TNS3: variants seen among roughly 807,000 people sequenced by gnomAD.
TNS3 encodes the protein tensin 3.
Under a neutral mutation model 140.9 loss-of-function variants are expected in TNS3, and 45 were observed. That is an observed-to-expected ratio of 0.32 (90% CI 0.25 to 0.41). TNS3 has a LOEUF of 0.41. TNS3 is among the 10% of genes least tolerant of loss of function. TNS3 has a pLI of 1.00. For missense variants in TNS3, 1,716 were observed against 1,906.7 expected, an observed-to-expected ratio of 0.90 and a Z score of 1.86; for synonymous variants, 815 against 788.4, an observed-to-expected ratio of 1.03 and a Z score of -0.56.
intron 28 of TNS3, among the ~76,000 whole-genome samples, chr7:47,282,268 A>G (rs1785186137): frequency 1.3e-5 from 2 of 148,352 alleles, no homozygotes; most frequent in South Asian, 4.3e-4. Flanking sequence ...ACCCTGGGTG[A>G]GCCATGCAGC....
chr7:47,419,333 AG>A (rs1364286670), intron 10 of TNS3, among the ~76,000 whole-genome samples: 1 of 152,132 alleles, frequency 6.6e-6, no homozygotes, highest in Non-Finnish European at 1.5e-5. Flanking sequence ...GTGGGCAGCA[AG>A]GAGGATGTGC....
At chr7:47,440,722 G>A (rs1372398620) in intron 5 of TNS3, among the ~76,000 whole-genome samples, 1 of 152,208 alleles carries the variant, frequency 6.6e-6, no homozygotes, top group Admixed American at 6.5e-5. Context: ...AGGTTCCAGG[G>A]AGAGGGGATG....
At position 47,480,946 on chromosome 7, in the gene TNS3, A is replaced by T. The variant is rs371983330; in HGVS notation, c.-76+157T>A. 1.7e-3 allele frequency among the ~76,000 whole-genome samples: 256 copies of T among 152,240 alleles called. 2 individuals carry two copies. The highest frequency in any genetic ancestry group is 6.0e-3 in the African/African-American group (248 of 41,520). On this transcript the variant is annotated intron_variant, in intron 4 of 30. Transcript: ENST00000311160. ...ATGGCCAGTGCAGCATGGTCAAAGG[A>T]CCTCAGATAGAGCCTTGTGAATGCA... is the stretch of plus-strand genomic sequence containing the variant.
intron 16 of TNS3, among the ~76,000 whole-genome samples, chr7:47,386,890 TC>T (rs1562670811): frequency 6.6e-6 from 1 of 152,222 alleles, no homozygotes; most frequent in Non-Finnish European, 1.5e-5. Flanking sequence ...ATCCCTGCAA[TC>T]TGTGCTATGT....
intron 20 of TNS3, among the ~76,000 whole-genome samples, chr7:47,309,797 G>C (rs889618189): frequency 6.6e-6 from 1 of 152,236 alleles, no homozygotes; most frequent in Non-Finnish European, 1.5e-5. Flanking sequence ...AGCTGCATCA[G>C]CTCAAAGCCA....
At chr7:47,335,237 G>A (rs572471541) in intron 20 of TNS3, among the ~76,000 whole-genome samples, 8 of 152,260 alleles carry the variant, frequency 5.3e-5, no homozygotes, top group African/African-American at 1.2e-4. Context: ...GGACGATGGC[G>A]AGGGCTGCCA....
At chr7:47,547,665 A>G (rs1164386077) in intron 1 of TNS3, among the ~76,000 whole-genome samples, 1 of 152,116 alleles carries the variant, frequency 6.6e-6, no homozygotes, top group African/African-American at 2.4e-5. Context: ...ACAGACTTCC[A>G]GGAGCCCTCA....
At chr7:47,476,428 C>T (rs1340788720) in intron 4 of TNS3, among the ~76,000 whole-genome samples, 1 of 152,204 alleles carries the variant, frequency 6.6e-6, no homozygotes, top group Admixed American at 6.5e-5. Flanking sequence ...GCCCGGCCAC[C>T]TCTCCCAGCC....
chr7:47,571,353 G>A (rs1465128370), intron 1 of TNS3, among the ~76,000 whole-genome samples: 5 of 152,184 alleles, frequency 3.3e-5, no homozygotes, highest in East Asian at 1.9e-4. Context: ...GACGAGAAGG[G>A]GTGCCACCTG....
intron 1 of TNS3, among the ~76,000 whole-genome samples, 178 bp downstream of exon 1, chr7:47,581,873 C>CCCGCGCTCCCCGAACTCTGTCT (rs1406569469): frequency 6.6e-6 from 1 of 151,232 alleles, no homozygotes; most frequent in Non-Finnish European, 1.5e-5. Context: ...GCTCCCGTAC[C>CCCGCGCTCCCCGAACTCTGTCT]CCGCGCTCCC....
intron 17 of TNS3, among the ~76,000 whole-genome samples, chr7:47,359,435 T>C (rs533432637): frequency 2.0e-5 from 3 of 152,116 alleles, no homozygotes; most frequent in Admixed American, 6.5e-5. Context: ...AGGTTTCCCT[T>C]TGGGATGACG....
chr7:47,392,184 G>A (rs961376177), intron 16 of TNS3, among the ~76,000 whole-genome samples: 8 of 135,608 alleles, frequency 5.9e-5, no homozygotes, highest in South Asian at 2.2e-4. Flanking sequence ...CACGACTGCC[G>A]TCCCCCGCAG....
At chr7:47,536,372 A>T (rs334511) in intron 1 of TNS3, among the ~76,000 whole-genome samples, 41,066 of 146,158 alleles carry the variant, frequency 0.28, 6,631 homozygotes, top group East Asian at 0.41. Context: ...CCTAGCGGGG[A>T]GCCAACCAGC....
chr7:47,302,040 G>A (rs1308298466), intron 23 of TNS3, 146 bp downstream of exon 23: 3 of 641,974 alleles, frequency 4.7e-6, no homozygotes, highest in Admixed American at 2.8e-5. Context: ...CAGGAGGCAT[G>A]GAATAACGTG....
intron 1 of TNS3, among the ~76,000 whole-genome samples, chr7:47,538,259 A>C (rs2151959931): frequency 6.6e-6 from 1 of 152,224 alleles, no homozygotes; most frequent in South Asian, 2.1e-4. Flanking sequence ...GCTGTCTGCA[A>C]GAAGCTTTGT....
rs554075404 is a variant in TNS3, at chr7:47,522,567, T to C, written c.-153+6469A>G. Reference sequence around the variant, plus strand: ...AGCACACACATTAACTTAACATAACTGAAAAAGCTAATGAAAACAATCATG... The same window carrying C: ...AGCACACACATTAACTTAACATAACCGAAAAAGCTAATGAAAACAATCATG... On this transcript the variant is annotated intron_variant, in intron 2 of 30. Transcript: ENST00000311160. 3.9e-5 allele frequency among the ~76,000 whole-genome samples: 6 copies of C among 152,240 alleles called. No homozygotes were observed. The East Asian group carries it at 1.2e-3, about 29-fold the overall frequency.
At chr7:47,516,705 G>A (rs1196774622) in intron 2 of TNS3, among the ~76,000 whole-genome samples, 2 of 152,158 alleles carry the variant, frequency 1.3e-5, no homozygotes, top group African/African-American at 2.4e-5. Flanking sequence ...CTCCTACTAC[G>A]CTGACAAGAG....
chr7:47,483,819 C>A (rs1797514255), intron 3 of TNS3, among the ~76,000 whole-genome samples: 1 of 152,212 alleles, frequency 6.6e-6, no homozygotes, highest in Admixed American at 6.5e-5. Context: ...CTAACCGGCT[C>A]GCGCGATAAG....
chr7:47,304,848 C>T lies in TNS3; in HGVS notation c.2806G>A (p.Gly936Arg). ...TCTTCTTACCTCTCTCTCCTCTGCC[C>T]AGGGCCGTTGCTGGAAATGGTGCAG... ...SSCTISSNGPGQRRESSSSAE... is the reference protein window; with the variant it reads ...SSCTISSNGPRQRRESSSSAE... The change falls in exon 21 of 31, where the codon GGG becomes AGG. Residue 936 changes from glycine (G) to arginine (R), a missense_variant. This residue lies in a region of TNS3 where 1,163 missense variants were observed against 1,182.1 expected (regional missense o/e 0.98). Transcript: ENST00000311160. 1 of 1,386,922 alleles carries T rather than the reference C, an allele frequency of 7.2e-7. No homozygotes were observed. The highest frequency in any genetic ancestry group is 9.4e-7 in the Non-Finnish European group (1 of 1,059,634). The allele number at this position is 1,386,922 out of a possible 1,614,324, so 85.9% of individuals were successfully genotyped here. A position where few individuals can be genotyped will look rare whatever the true frequency, so the allele number is the denominator to read the frequency against.
Sources: gnomAD v4.1 joint callset for allele counts (sites outside exome capture counted in the v4.1 genomes callset) on GRCh38, gnomAD v4.1.1 for gene constraint, gnomAD v4.1.1 regional missense constraint, MANE v1.5 for transcripts, NCBI Gene and HGNC (gene_info 2026-07-23, HGNC 2026-07-21) for gene names.